MDFIC: variants seen among roughly 807,000 people sequenced by gnomAD.
MDFIC encodes the protein MyoD family inhibitor domain containing, also known as myoD family inhibitor domain-containing protein.
MDFIC carries 17 observed loss-of-function variants against 23.2 expected under a neutral mutation model. The ratio of observed to expected loss-of-function variants is 0.73; its 90% CI spans 0.50 to 1.10. MDFIC has a LOEUF of 1.10. Ranked by LOEUF, MDFIC falls within the 50% of genes least tolerant of loss-of-function variation. MDFIC has a pLI of 0.00. For synonymous variants in MDFIC, 120 were observed against 115.2 expected (o/e 1.04, Z -0.27); for missense variants, 356 against 316.6 (o/e 1.12, Z -0.95).
chr7:115,001,532 A>G (rs1791465829), intron 4 of MDFIC, among the ~76,000 whole-genome samples: 3 of 152,196 alleles, frequency 2.0e-5, no homozygotes, highest in South Asian at 4.1e-4. Context: ...TCTATGGTAG[A>G]TATCTCCTAG....
intron 3 of MDFIC, among the ~76,000 whole-genome samples, chr7:114,945,509 C>T (rs1375997914): frequency 6.6e-6 from 1 of 152,082 alleles, no homozygotes; most frequent in African/African-American, 2.4e-5. Context: ...GGTGGAAGAC[C>T]TGGGGTATTA....
At chr7:114,964,824 C>T (rs1356581259) in intron 3 of MDFIC, among the ~76,000 whole-genome samples, 1 of 152,208 alleles carries the variant, frequency 6.6e-6, no homozygotes, top group African/African-American at 2.4e-5. Context: ...GCTGGGATTA[C>T]AGGCGTTAGC....
chr7:114,967,304 C>A (rs192365200), intron 3 of MDFIC, among the ~76,000 whole-genome samples: 1 of 152,122 alleles, frequency 6.6e-6, no homozygotes, highest in South Asian at 2.1e-4. Flanking sequence ...GAGAGGACAT[C>A]TCCTGGAGGG....
At chr7:114,999,941 G>A (rs1234757952) in intron 4 of MDFIC, among the ~76,000 whole-genome samples, 3 of 152,006 alleles carry the variant, frequency 2.0e-5, no homozygotes, top group African/African-American at 7.2e-5. Flanking sequence ...TAAAGTTGTT[G>A]CAGAAATCAT....
At chr7:114,956,320 G>T in intron 3 of MDFIC, among the ~76,000 whole-genome samples, 1 of 150,056 alleles carries the variant, frequency 6.7e-6, no homozygotes. Context: ...ACAGTTCTTG[G>T]GCTTAATACA....
chr7:114,936,973 T>A (rs4730658), intron 2 of MDFIC, among the ~76,000 whole-genome samples: 122,897 of 152,024 alleles, frequency 0.81, 51,610 homozygotes, highest in Non-Finnish European at 0.92. Context: ...ATGGCATATA[T>A]CATATTTTAT....
At chr7:115,007,216 G>A (rs1233012532) in intron 4 of MDFIC, among the ~76,000 whole-genome samples, 1 of 152,152 alleles carries the variant, frequency 6.6e-6, no homozygotes, top group Non-Finnish European at 1.5e-5. Flanking sequence ...ATAGGTAGGT[G>A]GAGAGGTGTG....
intron 2 of MDFIC, among the ~76,000 whole-genome samples, chr7:114,930,247 A>G (rs1168634730): frequency 1.3e-5 from 2 of 152,208 alleles, no homozygotes; most frequent in Non-Finnish European, 2.9e-5. Context: ...GAGCTTGGGA[A>G]GGGAAGCAGA....
In MDFIC at chr7:114,923,061, C is replaced by T; in HGVS notation, c.28C>T (p.Pro10Ser). The T allele has an allele frequency of 1.4e-6, 2 of 1,393,964 alleles. No homozygotes were observed. Among genetic ancestry groups the T allele is most frequent in the Non-Finnish European group, 1.9e-6 (2 of 1,075,908 alleles). 86.3% of individuals were successfully genotyped at this position (1,393,964 alleles called of 1,614,324 possible). A position where few individuals can be genotyped will look rare whatever the true frequency, so the allele number is the denominator to read the frequency against. MSGAGEALA[P>S]GPVGPQRVAE... is the part of the protein sequence containing the mutation. ...GTCCGGCGCGGGCGAAGCCCTCGCT[C>T]CCGGGCCCGTGGGGCCGCAGCGCGT... The change falls in exon 2 of 5, where the codon CCC becomes TCC. Residue 10 changes from proline (P) to serine (S), a missense_variant. Coordinates refer to ENST00000393486, the MANE Select transcript of MDFIC (RefSeq NM_001166345.3).
Position 115,002,265 on chromosome 7 carries a change from C to T in MDFIC, c.494-13423C>T, listed in dbSNP as rs189949592. On this transcript the variant is annotated intron_variant, in intron 4 of 4. Transcript: ENST00000393486. ...ATTCTGGCATACTATCCTTTCAGAA[C>T]CAAAAATCTGGATTCTCTGTCTTTT... Among the ~76,000 whole-genome samples, 5 of 152,270 alleles carry T rather than the reference C, an allele frequency of 3.3e-5. No homozygotes were observed. The East Asian group carries it at 7.7e-4, about 24-fold the overall frequency.
chr7:114,923,308 C>A, intron 2 of MDFIC, 181 bp downstream of exon 2: 1 of 1,142,720 alleles, frequency 8.8e-7, no homozygotes, highest in Non-Finnish European at 1.2e-6. Context: ...CCTAGATCAA[C>A]AACCGGGTAA....
chr7:114,984,468 C>T (rs1233393123), intron 4 of MDFIC, among the ~76,000 whole-genome samples: 1 of 151,776 alleles, frequency 6.6e-6, no homozygotes, highest in African/African-American at 2.4e-5. Context: ...TGCTCATATT[C>T]ACCAAAAAAA....
At chr7:114,985,882 T>C (rs1020251504) in intron 4 of MDFIC, among the ~76,000 whole-genome samples, 1 of 151,968 alleles carries the variant, frequency 6.6e-6, no homozygotes, top group Non-Finnish European at 1.5e-5. Flanking sequence ...ATCCCATATA[T>C]ACTTTTTTTG....
intron 3 of MDFIC, among the ~76,000 whole-genome samples, chr7:114,958,342 G>A (rs971124648): frequency 3.3e-5 from 5 of 152,142 alleles, no homozygotes; most frequent in South Asian, 2.1e-4. Flanking sequence ...ATATACTCTG[G>A]ATTTTTTGGA....
chr7:114,979,762 G>T lies in MDFIC; in HGVS notation c.474G>T (p.Lys158Asn). 1 of 1,613,764 alleles carries T rather than the reference G, an allele frequency of 6.2e-7. No homozygotes were observed. Among genetic ancestry groups the T allele is most frequent in the Non-Finnish European group, 8.5e-7 (1 of 1,179,738 alleles). ...AAGTAAATGCTGTCTTTTCCCAAAA[G>T]ACAGGCTCTTCACCTGAAGGTAAGT... Reference protein sequence around the residue: ...KSKVNAVFSQKTGSSPEDCCV... With the variant: ...KSKVNAVFSQNTGSSPEDCCV... The change falls in exon 4 of 5, where the codon AAG (lysine) becomes AAT (asparagine). Residue 158 changes from lysine (K) to asparagine (N), a missense_variant. Physicochemically the swap from Lys to Asn is moderately conservative, Grantham distance 94. Coordinates refer to ENST00000393486, the MANE Select transcript of MDFIC (RefSeq NM_001166345.3).
intron 3 of MDFIC, among the ~76,000 whole-genome samples, chr7:114,952,526 A>G (rs1468195057): frequency 6.6e-6 from 1 of 152,130 alleles, no homozygotes; most frequent in Non-Finnish European, 1.5e-5. Flanking sequence ...AGCAAGATAC[A>G]CAAAAATCAA....
At position 114,922,583 on chromosome 7, in the gene MDFIC, A is replaced by G. The variant is rs1792105013; in HGVS notation, c.-161A>G. The G allele has an allele frequency of 3.2e-6, 4 of 1,266,886 alleles. No homozygotes were observed. The highest frequency in any genetic ancestry group is 4.0e-6 in the Non-Finnish European group (4 of 999,046). 78.5% of individuals were successfully genotyped at this position (1,266,886 alleles called of 1,614,324 possible). ...AGGCTCGCTAACTTTCCGGGGCGGA[A>G]GAGGAGGAGGAGGAGGAGGAAGGGG... On this transcript the variant is annotated 5_prime_UTR_variant, in exon 1 of 5. Coordinates refer to ENST00000393486, the MANE Select transcript of MDFIC (RefSeq NM_001166345.3).
At chr7:114,956,462 C>T (rs1469655165) in intron 3 of MDFIC, among the ~76,000 whole-genome samples, 1 of 151,762 alleles carries the variant, frequency 6.6e-6, no homozygotes, top group Non-Finnish European at 1.5e-5. Context: ...TACTTATTGC[C>T]TCCTGGAGAA....
chr7:114,998,618 C>A (rs1371375262), intron 4 of MDFIC, among the ~76,000 whole-genome samples: 2 of 152,094 alleles, frequency 1.3e-5, no homozygotes, highest in African/African-American at 2.4e-5. Context: ...GAAAGTACTT[C>A]TTATAATACT....
Sources: gnomAD v4.1 joint callset for allele counts (sites outside exome capture counted in the v4.1 genomes callset) on GRCh38, gnomAD v4.1.1 for gene constraint, MANE v1.5 for transcripts, NCBI Gene and HGNC (gene_info 2026-07-23, HGNC 2026-07-21) for gene names.